ACSS3: variants seen among roughly 807,000 people sequenced by gnomAD.
ACSS3 encodes acyl-CoA synthetase short chain family member 3, also known as acyl-CoA synthetase short-chain family member 3, mitochondrial.
A neutral mutation model predicts 84.2 loss-of-function variants in ACSS3; 64 were observed. That is an observed-to-expected ratio of 0.76 (90% confidence interval 0.62 to 0.94). The LOEUF (loss-of-function observed/expected upper bound fraction) is 0.94. Ranked by LOEUF, ACSS3 falls within the 40% of genes least tolerant of loss-of-function variation. The pLI is 0.00. For synonymous variants in ACSS3, 317 were observed against 310.1 expected, an observed-to-expected ratio of 1.02 and a Z score of -0.23; for missense variants, 815 against 867.6, an observed-to-expected ratio of 0.94 and a Z score of 0.76.
At chr12:81,209,460 T>C (rs1265485843) in intron 9 of ACSS3, among the ~76,000 whole-genome samples, 1 of 151,794 alleles carries the variant, frequency 6.6e-6, no homozygotes, top group Non-Finnish European at 1.5e-5. Context: ...ATTTTGTGGA[T>C]CATAGGCAGA....
At chr12:81,217,420 G>T (rs956130626) in intron 10 of ACSS3, among the ~76,000 whole-genome samples, 2 of 151,990 alleles carry the variant, frequency 1.3e-5, no homozygotes, top group Admixed American at 6.6e-5. Context: ...TAGATCCTGG[G>T]GACAATGCAA....
At chr12:81,246,477 C>T (rs1314974302) in intron 13 of ACSS3, among the ~76,000 whole-genome samples, 1 of 152,116 alleles carries the variant, frequency 6.6e-6, no homozygotes, top group African/African-American at 2.4e-5. Flanking sequence ...CCAGATTATA[C>T]AGAAAGTAAA....
chr12:81,088,035 A>G (rs1394347827), intron 1 of ACSS3, among the ~76,000 whole-genome samples: 1 of 152,098 alleles, frequency 6.6e-6, no homozygotes, highest in Non-Finnish European at 1.5e-5. Flanking sequence ...TTCTGCTAAT[A>G]TGTAGGAAGA....
At chr12:81,108,698 G>A (rs896599885) in intron 1 of ACSS3, among the ~76,000 whole-genome samples, 5 of 152,050 alleles carry the variant, frequency 3.3e-5, no homozygotes, top group Non-Finnish European at 5.9e-5. Flanking sequence ...TTTAACAAGA[G>A]CTTTTTTATT....
At chr12:81,248,483 A>T (rs1565743771) in intron 13 of ACSS3, among the ~76,000 whole-genome samples, 1 of 152,024 alleles carries the variant, frequency 6.6e-6, no homozygotes, top group Non-Finnish European at 1.5e-5. Flanking sequence ...CCTCATTCAT[A>T]TATGGGATCT....
chr12:81,121,788 T>C (rs948765930), intron 2 of ACSS3, among the ~76,000 whole-genome samples: 2 of 152,092 alleles, frequency 1.3e-5, no homozygotes, highest in African/African-American at 4.8e-5. Context: ...ATATTAGTAA[T>C]TGAACTTCCA....
intron 13 of ACSS3, among the ~76,000 whole-genome samples, chr12:81,250,049 A>T (rs1308487627): frequency 1.3e-5 from 2 of 152,106 alleles, no homozygotes; most frequent in Admixed American, 1.3e-4. Flanking sequence ...TTGCCTTTTA[A>T]GTTCCATGAC....
chr12:81,143,430 G>T (rs1886187469), intron 5 of ACSS3, 183 bp downstream of exon 5: 1 of 432,616 alleles, frequency 2.3e-6, no homozygotes, highest in Admixed American at 4.3e-5. Flanking sequence ...ACCTGACACA[G>T]TTACTCCATA....
intron 3 of ACSS3, 37 bp downstream of exon 3, chr12:81,135,041 T>C: frequency 6.7e-7 from 1 of 1,501,482 alleles, no homozygotes. Flanking sequence ...GTAGTAGCTA[T>C]GTATAATTTA....
intron 10 of ACSS3, among the ~76,000 whole-genome samples, chr12:81,218,965 A>G (rs1040400627): frequency 3.3e-5 from 5 of 152,150 alleles, no homozygotes; most frequent in Admixed American, 6.6e-5. Context: ...TCCTTTTAGG[A>G]AAGAAAAGAA....
chr12:81,083,885 G>T lies in ACSS3; in HGVS notation c.311+5454G>T, dbSNP rs147014007. On this transcript the variant is annotated intron_variant, in intron 1 of 15. Coordinates refer to ENST00000548058, the MANE Select transcript of ACSS3 (RefSeq NM_024560.4). ...CTTGGGAGACTGAGGCAGGAGAATC[G>T]CTTGATCTAGGGAGTCAGAGCCAAG... Among the ~76,000 whole-genome samples, 142 of 152,140 alleles carry T rather than the reference G, an allele frequency of 9.3e-4. 3 individuals are homozygous for T. The South Asian group carries it at 0.019, about 20-fold the overall frequency.
intron 5 of ACSS3, among the ~76,000 whole-genome samples, chr12:81,149,542 T>C (rs973855530): frequency 6.6e-6 from 1 of 152,160 alleles, no homozygotes; most frequent in Non-Finnish European, 1.5e-5. Flanking sequence ...ACTCAGAAAT[T>C]TGAAACTGTA....
chr12:81,213,932 CCTTT>C (rs1555181656), intron 9 of ACSS3, among the ~76,000 whole-genome samples: 1 of 76,664 alleles, frequency 1.3e-5, no homozygotes, highest in Non-Finnish European at 2.5e-5. Context: ...TTCCTTCCTT[CCTTT>C]CTCTCTCTCT....
rs1028810329 is a variant in ACSS3 at position 81,219,956 on chromosome 12, A to G, written c.1451-57A>G. ...GGGTTGAATATAAAAATATAGAAAAATGTTTAAGCTTTAAGATTATGAATT... is the reference window on the plus strand; with the variant it reads ...GGGTTGAATATAAAAATATAGAAAAGTGTTTAAGCTTTAAGATTATGAATT... On this transcript the variant is annotated intron_variant, in intron 10 of 15. Coordinates refer to ENST00000548058, the MANE Select transcript of ACSS3 (RefSeq NM_024560.4). 5 of 1,192,352 alleles carry G rather than the reference A, an allele frequency of 4.2e-6. No individual in the cohort carries two copies. The African/African-American group carries it at 8.1e-5, about 19-fold the overall frequency. The allele number at this position is 1,192,352 out of a possible 1,614,324, so 73.9% of individuals were successfully genotyped here. A position where few individuals can be genotyped will look rare whatever the true frequency, so the allele number is the denominator to read the frequency against.
intron 11 of ACSS3, among the ~76,000 whole-genome samples, chr12:81,222,730 C>T (rs747654705): frequency 7.9e-5 from 12 of 151,966 alleles, no homozygotes; most frequent in Non-Finnish European, 1.3e-4. Flanking sequence ...CTGATTTGTT[C>T]TCCTGGGGAC....
chr12:81,084,909 A>G (rs1291776522), intron 1 of ACSS3, among the ~76,000 whole-genome samples: 1 of 152,260 alleles, frequency 6.6e-6, no homozygotes, highest in Non-Finnish European at 1.5e-5. Flanking sequence ...ATAGCACATT[A>G]CAGAGTGAAC....
At chr12:81,135,332 T>C (rs1292285332) in intron 3 of ACSS3, among the ~76,000 whole-genome samples, 1 of 142,682 alleles carries the variant, frequency 7.0e-6, no homozygotes, top group African/African-American at 2.6e-5. Flanking sequence ...TATTATATAT[T>C]ATAATATATT....
chr12:81,150,850 G>A (rs1439275360), intron 5 of ACSS3, among the ~76,000 whole-genome samples: 1 of 151,832 alleles, frequency 6.6e-6, no homozygotes, highest in Non-Finnish European at 1.5e-5. Context: ...CACAGTTATT[G>A]ATTAGATCCA....
intron 7 of ACSS3, among the ~76,000 whole-genome samples, chr12:81,154,136 A>C (rs1886752639): frequency 6.6e-6 from 1 of 152,208 alleles, no homozygotes; most frequent in African/African-American, 2.4e-5. Flanking sequence ...TAATTTAAAA[A>C]ATTATTTCTC....
Sources: gnomAD v4.1 joint callset for allele counts (sites outside exome capture counted in the v4.1 genomes callset) on GRCh38, gnomAD v4.1.1 for gene constraint, MANE v1.5 for transcripts, NCBI Gene and HGNC (gene_info 2026-07-23, HGNC 2026-07-21) for gene names.